Variants in MED20 observed in about 807,000 individuals in gnomAD.
The protein encoded by MED20 is mediator complex subunit 20.
Under a neutral mutation model 19.7 loss-of-function variants are expected in MED20, and 19 were observed. The ratio of observed to expected loss-of-function variants is 0.96; its 90% confidence interval spans 0.67 to 1.42. The LOEUF (loss-of-function observed/expected upper bound fraction) is 1.42. MED20 is among the 40% of genes most tolerant of loss of function. The pLI, the probability that MED20 is intolerant of heterozygous loss-of-function variation, is 0.00. For synonymous variants in MED20, 105 were observed against 104.8 expected, an observed-to-expected ratio of 1.00 and a Z score of -0.01; for missense variants, 225 against 273.0, an observed-to-expected ratio of 0.82 and a Z score of 1.24.
At chr6:41,909,549 C>CATCAAGA (rs1775140202) in intron 2 of MED20, 27 bp from the exon 3 acceptor site, 1 of 1,607,044 alleles carries the variant, frequency 6.2e-7, no homozygotes, top group African/African-American at 1.3e-5. Flanking sequence ...TCCTATTCAT[C>CATCAAGA]ATCAAGACTT....
rs1051034578 is a variant in MED20 at position 41,907,003 on chromosome 6, T to C, written c.*69A>G. ...CCTGGGTTTCTGGGGTCCAGGGACC[T>C]GAAAGTCAGCACCTGCTCCTCCTGT... On this transcript the variant is annotated 3_prime_UTR_variant, in exon 4 of 4. Coordinates refer to ENST00000265350, the MANE Select transcript of MED20 (RefSeq NM_004275.5). 9 of 1,467,230 alleles carry C rather than the reference T, an allele frequency of 6.1e-6. No homozygotes were observed. The highest frequency in any genetic ancestry group is 5.6e-5 in the African/African-American group (4 of 72,036). The allele number at this position is 1,467,230 out of a possible 1,614,324, so 90.9% of individuals were successfully genotyped here.
chr6:41,916,932 G>A lies in MED20; in HGVS notation c.22C>T (p.Gln8Ter). 1 of 1,613,878 alleles carries A rather than the reference G, an allele frequency of 6.2e-7. No individual in the cohort carries two copies. Among genetic ancestry groups the A allele is most frequent in the Non-Finnish European group, 8.5e-7 (1 of 1,179,950 alleles). Residue 8 changes from glutamine to a stop codon, truncating the protein, a stop_gained, in exon 2 of 4, where the codon CAG (glutamine) becomes TAG (stop). Coordinates refer to ENST00000265350, the MANE Select transcript of MED20 (RefSeq NM_004275.5). LOFTEE classifies it high-confidence loss of function. MGVTCVS[Q>*]MPVAEGKSVQ... is the part of the protein sequence containing the mutation. ...CTCTTGCCCTCGGCCACAGGCATCT[G>A]GGACACACTGGAAAGGAGAGCACCA...
chr6:41,907,031 A>C lies in MED20; in HGVS notation c.*41T>G. 667 of 1,587,474 alleles carry C rather than the reference A, an allele frequency of 4.2e-4. No homozygotes were observed. The highest frequency in any genetic ancestry group is 5.3e-4 in the Non-Finnish European group (610 of 1,158,752). ...AAGTCAGCACCTGCTCCTCCTGTGG[A>C]GTACCCCTGGTGACAGAGCTCAGCT... On this transcript the variant is annotated 3_prime_UTR_variant, in exon 4 of 4. Transcript: ENST00000265350.
chr6:41,914,073 C>A (rs1046111269), intron 2 of MED20, among the ~76,000 whole-genome samples: 1 of 152,120 alleles, frequency 6.6e-6, no homozygotes, highest in Non-Finnish European at 1.5e-5. Context: ...GAAATGTATA[C>A]AGGGAACAAA....
intron 1 of MED20, among the ~76,000 whole-genome samples, chr6:41,917,184 G>A (rs1319131538): frequency 1.3e-5 from 2 of 152,070 alleles, no homozygotes; most frequent in Non-Finnish European, 1.5e-5. Context: ...GGTGGATCAC[G>A]AAGTCAGGAG....
intron 1 of MED20, chr6:41,917,273 G>A (rs1048705181): frequency 1.7e-5 from 3 of 177,280 alleles, no homozygotes; most frequent in African/African-American, 4.8e-5. Context: ...GGTAGCGGAC[G>A]CCTGTAATCC....
At chr6:41,920,478 G>A (rs1391459150) in intron 1 of MED20, among the ~76,000 whole-genome samples, 1 of 152,174 alleles carries the variant, frequency 6.6e-6, no homozygotes, top group Non-Finnish European at 1.5e-5. Flanking sequence ...CCCACTGCAG[G>A]CAGTACTATG....
chr6:41,915,864 G>C (rs1775303772), intron 2 of MED20, among the ~76,000 whole-genome samples: 1 of 152,052 alleles, frequency 6.6e-6, no homozygotes, highest in Non-Finnish European at 1.5e-5. Flanking sequence ...CTTGGTTTTG[G>C]TGATAGTATC....
chr6:41,920,529 A>G (rs1775434237), intron 1 of MED20, among the ~76,000 whole-genome samples: 1 of 152,200 alleles, frequency 6.6e-6, no homozygotes, highest in South Asian at 2.1e-4. Context: ...AGAATGAGGT[A>G]TACAACCATT....
intron 2 of MED20, among the ~76,000 whole-genome samples, chr6:41,912,243 C>T (rs1775213520): frequency 7.7e-6 from 1 of 130,456 alleles, no homozygotes. Context: ...GTCTTACCAT[C>T]TTGCCTAGGC....
Position 41,907,161 on chromosome 6 carries a change from A to C in MED20, c.550T>G (p.Tyr184Asp). 1 of 1,614,108 alleles carries C rather than the reference A, an allele frequency of 6.2e-7. No individual in the cohort carries two copies. Among genetic ancestry groups the C allele is most frequent in the Non-Finnish European group, 8.5e-7 (1 of 1,180,036 alleles). ...AVFGNRHDAV[Y>D]GPADTMVQYM... ...TGGACCATGGTATCTGCTGGGCCGT[A>C]GACCGCATCATGTCTGTTCCCAAAC... Residue 184 changes from tyrosine (Y) to aspartate (D), a missense_variant, in exon 4 of 4, where the codon TAC (tyrosine) becomes GAC (aspartate). Physicochemically the swap from Tyr to Asp is radical, Grantham distance 160. Coordinates refer to ENST00000265350, the MANE Select transcript of MED20 (RefSeq NM_004275.5).
intron 3 of MED20, 40 bp from the exon 4 acceptor site, chr6:41,907,327 C>A: frequency 6.4e-7 from 1 of 1,560,900 alleles, no homozygotes; most frequent in Non-Finnish European, 8.7e-7. Context: ...TGAATGAAGG[C>A]TAAGACAAGG....
intron 2 of MED20, among the ~76,000 whole-genome samples, chr6:41,915,374 G>C (rs962879278): frequency 6.6e-6 from 1 of 152,138 alleles, no homozygotes; most frequent in African/African-American, 2.4e-5. Flanking sequence ...CATGCCTGTA[G>C]TTTCAGCTAC....
At chr6:41,909,568 A>C (rs1775140926) in intron 2 of MED20, 46 bp from the exon 3 acceptor site, 1 of 1,601,060 alleles carries the variant, frequency 6.2e-7, no homozygotes, top group African/African-American at 1.3e-5. Flanking sequence ...TTTCACTGGC[A>C]AACCCCAGAG....
intron 1 of MED20, chr6:41,918,010 C>T (rs750757530): frequency 1.9e-5 from 5 of 258,958 alleles, no homozygotes; most frequent in African/African-American, 6.9e-5. Context: ...AAGAATGGAA[C>T]AAAACAAAAA....
chr6:41,917,030 G>A, intron 1 of MED20, 91 bp from the exon 2 acceptor site: 1 of 1,354,080 alleles, frequency 7.4e-7, no homozygotes, highest in East Asian at 2.3e-5. Context: ...CAGCTCATCA[G>A]GGCCAAAAGT....
At chr6:41,918,394 C>T (rs1201371305) in intron 1 of MED20, among the ~76,000 whole-genome samples, 1 of 151,828 alleles carries the variant, frequency 6.6e-6, no homozygotes, top group Non-Finnish European at 1.5e-5. Flanking sequence ...ATCCCAGCTA[C>T]ATGGGAGGCT....
intron 3 of MED20, among the ~76,000 whole-genome samples, chr6:41,908,710 C>G (rs898415891): frequency 6.6e-6 from 1 of 152,182 alleles, no homozygotes; most frequent in Non-Finnish European, 1.5e-5. Flanking sequence ...TTTCCCTTCT[C>G]CAGCAAGCCA....
Position 41,906,988 on chromosome 6 carries a change from T to C in MED20, c.*84A>G. 7.9e-7 allele frequency: 1 copy of C among 1,272,020 alleles called. No homozygotes were observed. Among genetic ancestry groups the C allele is most frequent in the Non-Finnish European group, 1.1e-6 (1 of 893,048 alleles). 78.8% of individuals were successfully genotyped at this position (1,272,020 alleles called of 1,614,324 possible). On this transcript the variant is annotated 3_prime_UTR_variant, in exon 4 of 4. Coordinates refer to ENST00000265350, the MANE Select transcript of MED20 (RefSeq NM_004275.5). Reference sequence around the variant, plus strand: ...AGAGTCCATGTCTACCCTGGGTTTCTGGGGTCCAGGGACCTGAAAGTCAGC... The same window carrying C: ...AGAGTCCATGTCTACCCTGGGTTTCCGGGGTCCAGGGACCTGAAAGTCAGC...
Sources: gnomAD v4.1 joint callset for allele counts (sites outside exome capture counted in the v4.1 genomes callset) on GRCh38, gnomAD v4.1.1 for gene constraint, MANE v1.5 for transcripts, NCBI Gene and HGNC (gene_info 2026-07-23, HGNC 2026-07-21) for gene names.